The following CCSER2 variants were observed in gnomAD, a reference collection of about 807,000 sequenced individuals.
CCSER2 encodes coiled-coil serine rich protein 2.
In CCSER2, 46 loss-of-function variants were observed where a neutral mutation model predicts 92.3. That is an observed-to-expected ratio of 0.50 (90% CI 0.39 to 0.64). The LOEUF is 0.64. Among genes scored for constraint, CCSER2 ranks in the 30% least tolerant of loss-of-function variants. The pLI, the probability that CCSER2 is intolerant of heterozygous loss-of-function variation, is 0.00. For missense variants in CCSER2, 1,244 were observed against 1,238.9 expected (o/e 1.00, Z -0.06); for synonymous variants, 433 against 431.4 (o/e 1.00, Z -0.04).
At chr10:84,483,608 T>A (rs913119338) in intron 9 of CCSER2, among the ~76,000 whole-genome samples, 1 of 151,958 alleles carries the variant, frequency 6.6e-6, no homozygotes, top group African/African-American at 2.4e-5. Flanking sequence ...AACTCCACTC[T>A]ATTTTTTCTT....
chr10:84,329,284 T>C (rs1190989145), intron 1 of CCSER2, among the ~76,000 whole-genome samples: 1 of 152,200 alleles, frequency 6.6e-6, no homozygotes, highest in African/African-American at 2.4e-5. Flanking sequence ...TCAGATCTTC[T>C]CTCTTGTCTT....
intron 1 of CCSER2, among the ~76,000 whole-genome samples, chr10:84,339,724 C>G (rs554366893): frequency 6.6e-6 from 1 of 152,278 alleles, no homozygotes; most frequent in South Asian, 2.1e-4. Flanking sequence ...ATATGCCCGC[C>G]TTGGCCTCCC....
In CCSER2 at chr10:84,335,410, T is replaced by A. The variant is rs144474455; in HGVS notation, c.-40+6602T>A. Among the ~76,000 whole-genome samples, 952 of 151,640 alleles carry A rather than the reference T, an allele frequency of 6.3e-3. 6 individuals are homozygous for A. The highest frequency in any genetic ancestry group is 0.021 in the African/African-American group (871 of 41,328). ...GGCATGTACCACCATGCCTGGCTAA[T>A]TTTAAAAATTTTCCATAGAGACAGG... On this transcript the variant is annotated intron_variant, in intron 1 of 9. Coordinates refer to ENST00000372088, the MANE Select transcript of CCSER2 (RefSeq NM_001284240.2).
At chr10:84,405,232 T>C (rs1589568071) in intron 3 of CCSER2, among the ~76,000 whole-genome samples, 1 of 152,162 alleles carries the variant, frequency 6.6e-6, no homozygotes, top group East Asian at 1.9e-4. Flanking sequence ...GAGAAATCTT[T>C]CAACAAATGT....
chr10:84,407,974 G>A (rs1469182861), intron 3 of CCSER2, among the ~76,000 whole-genome samples: 2 of 152,060 alleles, frequency 1.3e-5, no homozygotes, highest in Admixed American at 1.3e-4. Flanking sequence ...GAGGGGAGGG[G>A]CGGGTGGCAC....
rs370948089 is a variant in CCSER2 at position 84,425,752 on chromosome 10, G to T, written c.1727G>T (p.Arg576Leu). 4 of 1,611,984 alleles carry T rather than the reference G, an allele frequency of 2.5e-6. No homozygotes were observed. Among genetic ancestry groups the T allele is most frequent in the Non-Finnish European group, 3.4e-6 (4 of 1,178,912 alleles). Residue 576 changes from arginine (R) to leucine (L), a missense_variant, in exon 5 of 10, where the codon CGC becomes CTC. Coordinates refer to ENST00000372088, the MANE Select transcript of CCSER2 (RefSeq NM_001284240.2). Reference sequence around the variant, plus strand: ...CTAGTGGAGTGTGACAATATGAACCGCTTTGACCGACCAGACAGAAATGTT... The same window carrying T: ...CTAGTGGAGTGTGACAATATGAACCTCTTTGACCGACCAGACAGAAATGTT... ...LENVECDNMN[R>L]FDRPDRNVRQ...
intron 3 of CCSER2, among the ~76,000 whole-genome samples, chr10:84,381,539 T>C (rs532101265): frequency 3.3e-5 from 5 of 152,164 alleles, no homozygotes; most frequent in Non-Finnish European, 7.4e-5. Flanking sequence ...ACTACCTGCT[T>C]TCCTTTTGGG....
Position 84,517,590 on chromosome 10 carries a change from T to A in CCSER2, c.*3323T>A, listed in dbSNP as rs1248117689. The A allele has an allele frequency of 6.6e-6, 1 of 152,650 alleles. No homozygotes were observed. Among genetic ancestry groups the A allele is most frequent in the Admixed American group, 6.5e-5 (1 of 15,278 alleles). 9.5% of individuals were successfully genotyped at this position (152,650 alleles called of 1,614,324 possible). On this transcript the variant is annotated 3_prime_UTR_variant, in exon 10 of 10. Transcript: ENST00000372088. ...AAATATCGAATTGCCTCCTATTGGG[T>A]GTGGCTTTGTTGAAATAAATTTGTA...
chr10:84,465,495 T>C (rs867177746), intron 7 of CCSER2, among the ~76,000 whole-genome samples: 8 of 151,702 alleles, frequency 5.3e-5, no homozygotes, highest in Non-Finnish European at 8.8e-5. Flanking sequence ...CGGCTAATTT[T>C]TTATATTTTT....
intron 2 of CCSER2, among the ~76,000 whole-genome samples, chr10:84,373,132 CAG>C (rs902326636): frequency 3.3e-5 from 5 of 151,994 alleles, no homozygotes; most frequent in Non-Finnish European, 4.4e-5. Context: ...GTGGTATAAT[CAG>C]GGGACTAGAT....
intron 4 of CCSER2, among the ~76,000 whole-genome samples, chr10:84,424,293 A>C (rs968216214): frequency 3.9e-5 from 6 of 152,220 alleles, no homozygotes; most frequent in Admixed American, 2.0e-4. Context: ...AAAAAAAAAA[A>C]AAACTTGGTT....
intron 4 of CCSER2, among the ~76,000 whole-genome samples, chr10:84,422,866 C>A (rs1231480587): frequency 6.6e-6 from 1 of 152,018 alleles, no homozygotes; most frequent in African/African-American, 2.4e-5. Flanking sequence ...CCAGCCTGGC[C>A]AACATGGTGA....
chr10:84,341,108 A>T (rs1306474689), intron 1 of CCSER2, among the ~76,000 whole-genome samples: 1 of 129,104 alleles, frequency 7.7e-6, no homozygotes, highest in Non-Finnish European at 1.5e-5. Context: ...TGGCTTGATT[A>T]TAGGTCACTG....
intron 9 of CCSER2, among the ~76,000 whole-genome samples, chr10:84,493,873 G>A (rs1848302620): frequency 6.6e-6 from 1 of 152,156 alleles, no homozygotes; most frequent in South Asian, 2.1e-4. Context: ...TGGAATCAGT[G>A]GGAGCCCTGA....
At chr10:84,410,919 C>G (rs548955835) in intron 3 of CCSER2, among the ~76,000 whole-genome samples, 64 of 152,228 alleles carry the variant, frequency 4.2e-4, no homozygotes, top group Non-Finnish European at 1.6e-4. Context: ...AGTCTTTAAT[C>G]CATCTTGAGT....
Position 84,444,446 on chromosome 10 carries a change from T to C in CCSER2, c.2064+5739T>C, listed in dbSNP as rs148651371. ...GGACATTCTTCTAGGTTCTCTGATATACATTATCTCTAGTCTGAAAAGTAG... is the reference window on the plus strand; with the variant it reads ...GGACATTCTTCTAGGTTCTCTGATACACATTATCTCTAGTCTGAAAAGTAG... On this transcript the variant is annotated intron_variant, in intron 6 of 9. Transcript: ENST00000372088. Among the ~76,000 whole-genome samples, 98 of 152,356 alleles carry C rather than the reference T, an allele frequency of 6.4e-4. 1 individual carries two copies. In the East Asian group the frequency reaches 0.018, roughly 28 times the overall value.
At chr10:84,500,549 A>ATGGT (rs1848669125) in intron 9 of CCSER2, among the ~76,000 whole-genome samples, 2 of 152,254 alleles carry the variant, frequency 1.3e-5, no homozygotes, top group Non-Finnish European at 2.9e-5. Context: ...TTGAATATGC[A>ATGGT]TGGTTTACTA....
intron 4 of CCSER2, among the ~76,000 whole-genome samples, chr10:84,424,301 G>C (rs372691328): frequency 1.3e-5 from 2 of 150,028 alleles, no homozygotes; most frequent in Admixed American, 6.6e-5. Flanking sequence ...AAAAAACTTG[G>C]TTTATTCCTG....
chr10:84,336,860 G>A (rs529763292), intron 1 of CCSER2, among the ~76,000 whole-genome samples: 1 of 152,164 alleles, frequency 6.6e-6, no homozygotes, highest in Non-Finnish European at 1.5e-5. Context: ...ATGATTTTAG[G>A]CAGGGATTGG....
Sources: allele counts gnomAD v4.1 joint callset (sites outside exome capture counted in the v4.1 genomes callset), GRCh38; gene constraint gnomAD v4.1.1; transcripts MANE v1.5; gene names NCBI Gene and HGNC (gene_info 2026-07-23, HGNC 2026-07-21).